The following EP300 variants were observed in gnomAD, a reference collection of about 807,000 sequenced individuals.
EP300 encodes the protein histone acetyltransferase p300.
In EP300, 31 loss-of-function variants were observed where a neutral mutation model predicts 264.0. That is an observed-to-expected ratio of 0.12 (90% confidence interval 0.09 to 0.16). EP300 has a LOEUF of 0.16. Ranked by LOEUF, EP300 falls within the 10% of genes least tolerant of loss-of-function variation. The pLI, the probability that EP300 is intolerant of heterozygous loss-of-function variation, is 1.00. For missense variants in EP300, 2,766 were observed against 3,052.9 expected, an observed-to-expected ratio of 0.91 and a Z score of 2.21; for synonymous variants, 1,340 against 1,045.4, an observed-to-expected ratio of 1.28 and a Z score of -5.44.
Position 41,178,818 on chromosome 22 carries a change from G to A in EP300, c.7107G>A (p.Gln2369=). Reference sequence around the variant, plus strand: ...AAGGGCATTTTGCCAGCCCGGACCAGAATTCAATGCTTTCTCAGCTTGCTA... The same window carrying A: ...AAGGGCATTTTGCCAGCCCGGACCAAAATTCAATGCTTTCTCAGCTTGCTA... ...MEQGHFASPD[Q]NSMLSQLASN... is the part of the protein sequence containing the mutation. The change falls in exon 31 of 31, where the codon CAG becomes CAA. Residue 2369 remains glutamine, a synonymous_variant. Transcript: ENST00000263253. 6.2e-7 allele frequency: 1 copy of A among 1,614,142 alleles called. No homozygotes were observed. Among genetic ancestry groups the A allele is most frequent in the South Asian group, 1.1e-5 (1 of 91,086 alleles).
rs1267169125 is a variant in EP300 at position 41,137,614 on chromosome 22, C to A, written c.1623-39C>A. The stretch of plus-strand genomic sequence containing the variant: ...TGAATTAAATGAGGTCTTCTCCTAC[C>A]TTTCTTCACTAAAACTATTTGGTGA... On this transcript the variant is annotated intron_variant, in intron 7 of 30. Transcript: ENST00000263253. The A allele has an allele frequency of 2.5e-6, 4 of 1,613,864 alleles. No individual in the cohort carries two copies. The Admixed American group carries it at 5.0e-5, about 20-fold the overall frequency.
In EP300 at chr22:41,151,888, G is replaced by A. The variant is rs767934388; in HGVS notation, c.2873G>A (p.Ser958Asn). The A allele has an allele frequency of 6.2e-7, 1 of 1,614,078 alleles. No individual in the cohort carries two copies. The highest frequency in any genetic ancestry group is 2.2e-5 in the East Asian group (1 of 44,874). The change falls in exon 15 of 31, where the codon AGT (serine) becomes AAT (asparagine). Residue 958 changes from serine (S) to asparagine (N), a missense_variant. Ser to Asn is a conservative substitution (Grantham distance 46). Transcript: ENST00000263253. ...EGQVSNPPST[S>N]STEVNSQAIA... ...CAGGTATCAAATCCTCCATCTACTA[G>A]TAGCACAGAAGTGAATTCTCAGGCC...
intron 23 of EP300, chr22:41,168,151 A>G (rs1285782567): frequency 5.0e-6 from 2 of 402,044 alleles, no homozygotes; most frequent in South Asian, 4.4e-5. Flanking sequence ...AACTCTTCCA[A>G]AATTGGAAAT....
At position 41,169,823 on chromosome 22, in the gene EP300, A is replaced by G. The variant is rs9611509; in HGVS notation, c.4286+207A>G. 0.25 allele frequency among the ~76,000 whole-genome samples: 37,918 copies of G among 152,094 alleles called. 5,579 individuals carry two copies. The highest frequency in any genetic ancestry group is 0.43 in the Admixed American group (6,540 of 15,292). On this transcript the variant is annotated intron_variant, in intron 26 of 30. Coordinates refer to ENST00000263253, the MANE Select transcript of EP300 (RefSeq NM_001429.4). ...TGTTGGCCCTAGTTTCACCCATCCA[A>G]CATTAGTTTTGTTTGTAAGCTAAGC...
chr22:41,156,532 C>A (rs374942520), intron 17 of EP300, among the ~76,000 whole-genome samples: 1 of 152,108 alleles, frequency 6.6e-6, no homozygotes, highest in South Asian at 2.1e-4. Flanking sequence ...ACCAGCCTCA[C>A]CAACATGGTG....
chr22:41,113,029 A>G (rs1271852367), intron 1 of EP300, among the ~76,000 whole-genome samples: 1 of 152,162 alleles, frequency 6.6e-6, no homozygotes, highest in Non-Finnish European at 1.5e-5. Flanking sequence ...TTTTAAAATA[A>G]TGCCATTGTT....
At position 41,177,563 on chromosome 22, in the gene EP300, C is replaced by T; in HGVS notation, c.5852C>T (p.Pro1951Leu). 1 of 1,614,138 alleles carries T rather than the reference C, an allele frequency of 6.2e-7. No homozygotes were observed. The highest frequency in any genetic ancestry group is 8.5e-7 in the Non-Finnish European group (1 of 1,180,030). ...QMAHVQIFQR[P>L]IQHQMPPMTP... Reference sequence around the variant, plus strand: ...GCCCACGTGCAAATTTTTCAAAGGCCAATCCAACACCAGATGCCCCCGATG... The same window carrying T: ...GCCCACGTGCAAATTTTTCAAAGGCTAATCCAACACCAGATGCCCCCGATG... The change falls in exon 31 of 31, where the codon CCA becomes CTA. Residue 1951 changes from proline (P) to leucine (L), a missense_variant. Pro to Leu is a moderately conservative substitution (Grantham distance 98). Transcript: ENST00000263253.
intron 15 of EP300, 48 bp from the exon 16 acceptor site, chr22:41,152,158 C>T (rs1321649264): frequency 6.2e-7 from 1 of 1,601,766 alleles, no homozygotes; most frequent in Non-Finnish European, 8.6e-7. Context: ...TTACTGATTC[C>T]CAACTAGATA....
chr22:41,113,692 G>A (rs1385656492), intron 1 of EP300, among the ~76,000 whole-genome samples: 3 of 152,026 alleles, frequency 2.0e-5, no homozygotes, highest in South Asian at 2.1e-4. Context: ...GACTATAGGC[G>A]CCCGCCACCA....
At chr22:41,126,279 C>G (rs2058881938) in intron 3 of EP300, 1 of 482,752 alleles carries the variant, frequency 2.1e-6, no homozygotes, top group Non-Finnish European at 3.7e-6. Flanking sequence ...AAGTGAACTG[C>G]TACAATGAAG....
In EP300 at chr22:41,092,734, G is replaced by A. The variant is rs1274102335; in HGVS notation, c.-271G>A. 1.6e-6 allele frequency: 1 copy of A among 608,830 alleles called. No homozygotes were observed. Among genetic ancestry groups the A allele is most frequent in the Non-Finnish European group, 3.0e-6 (1 of 335,382 alleles). 37.7% of individuals were successfully genotyped at this position (608,830 alleles called of 1,614,324 possible). ...CGAGTTCTCGGGAATTCGCCGCAGC[G>A]GACGCGCTCGGCGAATTTGTGCTCT... is the stretch of plus-strand genomic sequence containing the variant. On this transcript the variant is annotated 5_prime_UTR_variant, in exon 1 of 31. Transcript: ENST00000263253.
chr22:41,131,648 T>C lies in EP300; in HGVS notation c.1528+15T>C, dbSNP rs200147263. 253 of 1,614,056 alleles carry C rather than the reference T, an allele frequency of 1.6e-4. No homozygotes were observed. The highest frequency in any genetic ancestry group is 2.0e-4 in the Non-Finnish European group (241 of 1,180,032). On this transcript the variant is annotated intron_variant, in intron 6 of 30. Transcript: ENST00000263253. The stretch of plus-strand genomic sequence containing the variant: ...GAGCAACATGAGTAAGTTTGTGTCA[T>C]CCTAATAACATGGTATTGGTTGTGT...
intron 17 of EP300, 135 bp from the exon 18 acceptor site, chr22:41,157,034 G>A: frequency 9.9e-7 from 1 of 1,011,192 alleles, no homozygotes; most frequent in Non-Finnish European, 1.5e-6. Context: ...ATGGACATCA[G>A]TCACCTCTTG....
In EP300 at chr22:41,137,676, G is replaced by T; in HGVS notation, c.1646G>T (p.Ser549Ile). The T allele has an allele frequency of 6.2e-7, 1 of 1,614,128 alleles. No individual in the cohort carries two copies. ...SQNPMMSENA[S>I]VPSLGPMPTA... ...AGCCCAATGATGAGTGAAAATGCCA[G>T]TGTGCCCTCCCTGGGTCCTATGCCA... The change falls in exon 8 of 31, where the codon AGT becomes ATT. Residue 549 changes from serine to isoleucine, a missense_variant. By Grantham distance (142) the Ser-to-Ile change is moderately radical. Transcript: ENST00000263253.
chr22:41,177,261 C>T lies in EP300; in HGVS notation c.5550C>T (p.Pro1850=). Residue 1850 remains proline (P), a synonymous_variant, in exon 31 of 31, where the codon CCC becomes CCT. Transcript: ENST00000263253. ...VVGQQQGLPS[P]TPATPTTPTG... Reference sequence around the variant, plus strand: ...GGCAGCAACAGGGCCTCCCTTCCCCCACTCCTGCCACTCCAACGACACCAA... The same window carrying T: ...GGCAGCAACAGGGCCTCCCTTCCCCTACTCCTGCCACTCCAACGACACCAA... 1 of 1,614,066 alleles carries T rather than the reference C, an allele frequency of 6.2e-7. No homozygotes were observed. Among genetic ancestry groups the T allele is most frequent in the Non-Finnish European group, 8.5e-7 (1 of 1,179,990 alleles).
chr22:41,175,264 TG>T (rs1344659046), intron 29 of EP300, among the ~76,000 whole-genome samples: 1 of 89,218 alleles, frequency 1.1e-5, no homozygotes, highest in Non-Finnish European at 2.4e-5. Context: ...CGAACATTGC[TG>T]GCCAGAGACT....
chr22:41,143,325 G>A (rs911932321), intron 10 of EP300, among the ~76,000 whole-genome samples: 1 of 151,960 alleles, frequency 6.6e-6, no homozygotes, highest in Non-Finnish European at 1.5e-5. Flanking sequence ...GGAGGTGTGT[G>A]CCTGTAGTCC....
At chr22:41,167,572 GTGTGTGTGTGTGTATATATATA>G (rs1468735672) in intron 23 of EP300, among the ~76,000 whole-genome samples, 17 of 95,478 alleles carry the variant, frequency 1.8e-4, no homozygotes, top group African/African-American at 9.5e-4. Flanking sequence ...GTGTGTGTGT[GTGTGTGTGTGTGTATATATATA>G]TATATATATA....
At chr22:41,154,742 A>G (rs1169053243) in intron 16 of EP300, among the ~76,000 whole-genome samples, 1 of 152,092 alleles carries the variant, frequency 6.6e-6, no homozygotes, top group Non-Finnish European at 1.5e-5. Flanking sequence ...TGACTTTGTG[A>G]CTGAAAAGTT....
Sources: allele counts gnomAD v4.1 joint callset (sites outside exome capture counted in the v4.1 genomes callset), GRCh38; gene constraint gnomAD v4.1.1; transcripts MANE v1.5; gene names NCBI Gene and HGNC (gene_info 2026-07-23, HGNC 2026-07-21).